CAST: variants seen among roughly 807,000 people sequenced by gnomAD.
The protein encoded by CAST is MIR583 host.
A neutral mutation model predicts 119.6 loss-of-function variants in CAST; 76 were observed. That is an observed-to-expected ratio of 0.64 (90% CI 0.53 to 0.77). The LOEUF is 0.77. Ranked by LOEUF, CAST falls within the 30% of genes least tolerant of loss-of-function variation. The pLI is 0.00. For missense variants in CAST, 953 were observed against 946.5 expected, an observed-to-expected ratio of 1.01 and a Z score of -0.09; for synonymous variants, 319 against 331.6, an observed-to-expected ratio of 0.96 and a Z score of 0.41.
At chr5:96,101,871 C>T in the CAST span, among the ~76,000 whole-genome samples, 937 of 152,288 alleles carry the variant, frequency 6.2e-3, 12 homozygotes, top group African/African-American at 0.022. Context: ...CAGGAGCAGG[C>T]TTCATGCCAT....
chr5:96,013,194 CTTT>C, the CAST span, among the ~76,000 whole-genome samples: 1 of 142,792 alleles, frequency 7.0e-6, no homozygotes. Context: ...AAAAGGTATG[CTTT>C]TTTTTTTTTG....
chr5:96,741,398 C>T lies in CAST; in HGVS notation c.1011+40C>T, dbSNP rs766020326. On this transcript the variant is annotated intron_variant, in intron 14 of 31. Coordinates refer to ENST00000675179, the MANE Select transcript of CAST (RefSeq NM_001750.7). ...GTTGTTAAGGGAAACTTGTTAGGAA[C>T]TATTTTGAACTTTAAAAGAATAACT... The T allele has an allele frequency of 2.0e-6, 3 of 1,495,178 alleles. No individual in the cohort carries two copies. The East Asian group carries it at 6.8e-5, about 34-fold the overall frequency. 92.6% of individuals were successfully genotyped at this position (1,495,178 alleles called of 1,614,324 possible).
intron 1 of CAST, among the ~76,000 whole-genome samples, chr5:96,610,735 G>A (rs1338855631): frequency 1.3e-5 from 2 of 152,166 alleles, no homozygotes; most frequent in South Asian, 2.1e-4. Context: ...AATTATTCCT[G>A]TTAATTGACA....
intron 1 of CAST, among the ~76,000 whole-genome samples, chr5:96,602,153 C>G (rs952737380): frequency 1.3e-5 from 2 of 152,184 alleles, no homozygotes; most frequent in Non-Finnish European, 1.5e-5. Flanking sequence ...TGCTCTGACT[C>G]AAGACACCAT....
At position 96,749,925 on chromosome 5, in the gene CAST, T is replaced by G. The variant is rs537088224; in HGVS notation, c.1429-662T>G. On this transcript the variant is annotated intron_variant, in intron 19 of 31. Transcript: ENST00000675179. ...GCATGCATCAGGATCATCTGGAGAG[T>G]TTTTTTTTAAACACAGGCTGCTAGA... Among the ~76,000 whole-genome samples, 471 of 151,144 alleles carry G rather than the reference T, an allele frequency of 3.1e-3. 6 individuals carry two copies. Among genetic ancestry groups the G allele is most frequent in the African/African-American group, 0.011 (440 of 41,180 alleles).
chr5:96,575,665 C>T (rs187925891), intron 1 of CAST, among the ~76,000 whole-genome samples: 125 of 149,786 alleles, frequency 8.3e-4, no homozygotes, highest in Non-Finnish European at 1.3e-3. Context: ...TTTTTTAAGA[C>T]GGAGTCTCAC....
chr5:96,034,421 C>G, the CAST span, among the ~76,000 whole-genome samples: 1 of 143,214 alleles, frequency 7.0e-6, no homozygotes, highest in Non-Finnish European at 1.5e-5. Flanking sequence ...AAACATAGAA[C>G]TACCATAAGA....
At chr5:96,404,860 G>A in the CAST span, among the ~76,000 whole-genome samples, 3 of 152,118 alleles carry the variant, frequency 2.0e-5, no homozygotes, top group Non-Finnish European at 4.4e-5. Flanking sequence ...AATGTTGTAA[G>A]CGTTATAATT....
At chr5:96,023,275 T>C in the CAST span, among the ~76,000 whole-genome samples, 1 of 152,208 alleles carries the variant, frequency 6.6e-6, no homozygotes, top group Non-Finnish European at 1.5e-5. Flanking sequence ...AATATCTAGA[T>C]GATTTTATGA....
chr5:96,754,426 G>A (rs938207319), intron 21 of CAST, among the ~76,000 whole-genome samples: 4 of 152,206 alleles, frequency 2.6e-5, no homozygotes, highest in African/African-American at 9.6e-5. Context: ...CTGGGACTTG[G>A]GAAGGAAGGG....
intron 1 of CAST, among the ~76,000 whole-genome samples, chr5:96,675,115 C>T (rs975510460): frequency 1.2e-4 from 18 of 152,240 alleles, no homozygotes; most frequent in African/African-American, 1.7e-4. Context: ...GGTGGATACG[C>T]GGAAGAACTC....
At chr5:96,727,131 G>T (rs1198790935) in intron 5 of CAST, among the ~76,000 whole-genome samples, 3 of 152,150 alleles carry the variant, frequency 2.0e-5, no homozygotes, top group Non-Finnish European at 4.4e-5. Flanking sequence ...CCGTGTTAGT[G>T]GCATGGAAAC....
chr5:96,167,402 G>C, the CAST span, among the ~76,000 whole-genome samples: 2 of 152,300 alleles, frequency 1.3e-5, no homozygotes, highest in African/African-American at 4.8e-5. Context: ...CGCAGTCCAA[G>C]TTGGTCTGGT....
intron 25 of CAST, 35 bp from the exon 26 acceptor site, chr5:96,765,186 A>T: frequency 8.2e-7 from 1 of 1,216,208 alleles, no homozygotes; most frequent in Non-Finnish European, 1.2e-6. Context: ...CAGTTTGGCT[A>T]ATGAGTGACT....
intron 1 of CAST, among the ~76,000 whole-genome samples, chr5:96,621,111 AG>A (rs1469210228): frequency 2.0e-5 from 3 of 152,180 alleles, no homozygotes; most frequent in African/African-American, 4.8e-5. Context: ...CCCTGAAGAA[AG>A]GGGTTAAGTG....
At position 96,682,036 on chromosome 5, in the gene CAST, ATTG is replaced by A. The variant is rs763924762; in HGVS notation, c.138+6441_138+6443del. ...TAATTGTTATATTTTATTATTAGTT[ATTG>A]TTGTTAATCTCTTACTGTGCCTATT... On this transcript the variant is annotated intron_variant, in intron 2 of 31. Transcript: ENST00000675179. Among the ~76,000 whole-genome samples, 30 of 152,246 alleles carry A rather than the reference ATTG, an allele frequency of 2.0e-4. 1 individual carries two copies. Among genetic ancestry groups the A allele is most frequent in the African/African-American group, 6.7e-4 (28 of 41,542 alleles).
chr5:96,535,398 A>G (rs1406569094), intron 1 of CAST, among the ~76,000 whole-genome samples: 1 of 152,096 alleles, frequency 6.6e-6, no homozygotes, highest in African/African-American at 2.4e-5. Context: ...AAAAATCAGT[A>G]TTTTAAAAAT....
intron 16 of CAST, chr5:96,743,673 C>T (rs1176934534): frequency 2.5e-6 from 4 of 1,613,268 alleles, no homozygotes; most frequent in South Asian, 1.1e-5. Flanking sequence ...TCACCGGCCA[C>T]AGTGTGGCAC....
At chr5:96,353,018 T>C in the CAST span, among the ~76,000 whole-genome samples, 1 of 152,122 alleles carries the variant, frequency 6.6e-6, no homozygotes, top group South Asian at 2.1e-4. Context: ...GGTAGTTCTT[T>C]ACAGTAATGT....
Sources: gnomAD v4.1 joint callset for allele counts (sites outside exome capture counted in the v4.1 genomes callset) on GRCh38, gnomAD v4.1.1 for gene constraint, MANE v1.5 for transcripts, NCBI Gene and HGNC (gene_info 2026-07-23, HGNC 2026-07-21) for gene names.